CDX1: variants seen among roughly 807,000 people sequenced by gnomAD.
CDX1 encodes the protein homeobox protein CDX-1.
Under a neutral mutation model 16.9 loss-of-function variants are expected in CDX1, and 9 were observed. That is an observed-to-expected ratio of 0.53 (90% CI 0.32 to 0.93). The LOEUF is 0.93. CDX1 is among the 40% of genes least tolerant of loss of function. The probability of loss-of-function intolerance (pLI) is 0.04; values close to 1 mark genes in which losing one functional copy is unlikely to be tolerated. For synonymous variants in CDX1, 179 were observed against 179.0 expected, an observed-to-expected ratio of 1.00 and a Z score of 0.00; for missense variants, 393 against 386.1, an observed-to-expected ratio of 1.02 and a Z score of -0.15.
Position 150,167,032 on chromosome 5 carries a change from G to A in CDX1, c.156G>A (p.Glu52=), listed in dbSNP as rs1338972191. 2.8e-6 allele frequency: 4 copies of A among 1,427,372 alleles called. No homozygotes were observed. Among genetic ancestry groups the A allele is most frequent in the African/African-American group, 1.5e-5 (1 of 65,726 alleles). The allele number at this position is 1,427,372 out of a possible 1,614,324, so 88.4% of individuals were successfully genotyped here. ...ACTTCTCCAGCTACTCTCACGTGGA[G>A]CCGGCCCCCGCGCCCCCGACGGCCT... is the stretch of plus-strand genomic sequence containing the variant. ...YPDFSSYSHV[E]PAPAPPTAWG... The change falls in exon 1 of 3, where the codon GAG becomes GAA. Residue 52 remains glutamate (E), a synonymous_variant. Coordinates refer to ENST00000231656, the MANE Select transcript of CDX1 (RefSeq NM_001804.3).
At chr5:150,179,428 C>T (rs1016953149) in intron 1 of CDX1, among the ~76,000 whole-genome samples, 2 of 152,204 alleles carry the variant, frequency 1.3e-5, no homozygotes, top group Non-Finnish European at 2.9e-5. Context: ...GGTCTCACTC[C>T]TGACCCCCTC....
In CDX1 at chr5:150,167,294, G is replaced by T. The variant is rs1327229028; in HGVS notation, c.418G>T (p.Val140Leu). The change falls in exon 1 of 3, where the codon GTG becomes TTG. Residue 140 changes from valine to leucine, a missense_variant. By Grantham distance (32) the Val-to-Leu change is conservative. Coordinates refer to ENST00000231656, the MANE Select transcript of CDX1 (RefSeq NM_001804.3). ...PTPYEWMRRSVAAGGGGGSGK... is the reference protein window; with the variant it reads ...PTPYEWMRRSLAAGGGGGSGK... ...GCCCTACGAGTGGATGCGGCGCAGC[G>T]TGGCGGCCGGAGGCGGCGGTGGCAG... is the stretch of plus-strand genomic sequence containing the variant. 3 of 1,263,498 alleles carry T rather than the reference G, an allele frequency of 2.4e-6. No homozygotes were observed. Among genetic ancestry groups the T allele is most frequent in the East Asian group, 6.2e-5 (2 of 32,074 alleles). The allele number at this position is 1,263,498 out of a possible 1,614,324, so 78.3% of individuals were successfully genotyped here. A position where few individuals can be genotyped will look rare whatever the true frequency, so the allele number is the denominator to read the frequency against.
At chr5:150,179,376 G>C (rs565204974) in intron 1 of CDX1, among the ~76,000 whole-genome samples, 1 of 152,326 alleles carries the variant, frequency 6.6e-6, no homozygotes, top group South Asian at 2.1e-4. Context: ...GCCTTGCCAG[G>C]AGAGAGAGGA....
intron 1 of CDX1, among the ~76,000 whole-genome samples, chr5:150,174,516 G>A (rs182637236): frequency 8.5e-5 from 13 of 152,336 alleles, no homozygotes; most frequent in Admixed American, 3.9e-4. Flanking sequence ...ATCTAGCAGC[G>A]TTTGTCCAGT....
intron 1 of CDX1, among the ~76,000 whole-genome samples, chr5:150,179,083 G>A (rs1285340264): frequency 6.6e-6 from 1 of 152,070 alleles, no homozygotes; most frequent in African/African-American, 2.4e-5. Context: ...TCGGTCAAAG[G>A]GTATGTGCCT....
rs6858935 is a variant in CDX1 at position 150,175,409 on chromosome 5, G to T, written c.446-7359G>T. 3.0e-3 allele frequency among the ~76,000 whole-genome samples: 456 copies of T among 152,314 alleles called. 1 individual carries two copies. The highest frequency in any genetic ancestry group is 0.01 in the African/African-American group (421 of 41,570). ...AGATAGGGCAGCAGATGATGCAAAGGTGGCCCTGGAGGAGGAGGGTGCAGA... is the reference window on the plus strand; with the variant it reads ...AGATAGGGCAGCAGATGATGCAAAGTTGGCCCTGGAGGAGGAGGGTGCAGA... On this transcript the variant is annotated intron_variant, in intron 1 of 2. Coordinates refer to ENST00000231656, the MANE Select transcript of CDX1 (RefSeq NM_001804.3).
At position 150,167,063 on chromosome 5, in the gene CDX1, G is replaced by T; in HGVS notation, c.187G>T (p.Ala63Ser). 1.4e-6 allele frequency: 2 copies of T among 1,423,760 alleles called. No individual in the cohort carries two copies. Among genetic ancestry groups the T allele is most frequent in the Non-Finnish European group, 9.1e-7 (1 of 1,094,554 alleles). The allele number at this position is 1,423,760 out of a possible 1,614,324, so 88.2% of individuals were successfully genotyped here. Residue 63 changes from alanine to serine, a missense_variant, in exon 1 of 3, where the codon GCG (alanine) becomes TCG (serine). By Grantham distance (99) the Ala-to-Ser change is moderately conservative. Coordinates refer to ENST00000231656, the MANE Select transcript of CDX1 (RefSeq NM_001804.3). ...CCCCGCGCCCCCGACGGCCTGGGGG[G>T]CGCCCTTCCCTGCGCCCAAGGACGA... ...PAPAPPTAWG[A>S]PFPAPKDDWA...
chr5:150,174,876 A>G (rs1278121030), intron 1 of CDX1, among the ~76,000 whole-genome samples: 2 of 151,580 alleles, frequency 1.3e-5, no homozygotes, highest in Non-Finnish European at 1.5e-5. Context: ...TCCTGGATTC[A>G]AGCGATTCTC....
chr5:150,177,380 C>G (rs1283957193), intron 1 of CDX1, among the ~76,000 whole-genome samples: 2 of 152,240 alleles, frequency 1.3e-5, no homozygotes, highest in Non-Finnish European at 2.9e-5. Context: ...AGATGGTCAT[C>G]CCACAACTGT....
Position 150,183,628 on chromosome 5 carries a change from G to A in CDX1, c.746G>A (p.Ser249Asn), listed in dbSNP as rs769192751. The change falls in exon 3 of 3, where the codon AGC (serine) becomes AAC (asparagine). Residue 249 changes from serine to asparagine, a missense_variant. Coordinates refer to ENST00000231656, the MANE Select transcript of CDX1 (RefSeq NM_001804.3). The part of the protein sequence containing the change: ...SLGGLCPSNT[S>N]LLATSSPMPV... ...GGGGGCCTGTGTCCCAGCAACACCA[G>A]CCTCCTGGCCACCTCCTCTCCAATG... The A allele has an allele frequency of 3.7e-6, 6 of 1,607,762 alleles. No homozygotes were observed. The East Asian group carries it at 1.1e-4, about 30-fold the overall frequency.
intron 1 of CDX1, among the ~76,000 whole-genome samples, chr5:150,168,380 G>A (rs1031683073): frequency 1.3e-5 from 2 of 152,216 alleles, no homozygotes; most frequent in South Asian, 2.1e-4. Context: ...CAGGAGCTAC[G>A]GGTTCTGGCC....
At chr5:150,180,217 G>A (rs1294004772) in intron 1 of CDX1, among the ~76,000 whole-genome samples, 1 of 152,238 alleles carries the variant, frequency 6.6e-6, no homozygotes, top group African/African-American at 2.4e-5. Context: ...TTTTGAGCCG[G>A]CGTTGCATTT....
chr5:150,166,992 C>T lies in CDX1; in HGVS notation c.116C>T (p.Pro39Leu). Residue 39 changes from proline to leucine, a missense_variant, in exon 1 of 3, where the codon CCC becomes CTC. By Grantham distance (98) the Pro-to-Leu change is moderately conservative (BLOSUM62 -3). Coordinates refer to ENST00000231656, the MANE Select transcript of CDX1 (RefSeq NM_001804.3). ...GGCCCCCCGGCCCCGCCCCCGGCGC[C>T]CCCGCAGTACCCCGACTTCTCCAGC... ...AYGPPAPPPA[P>L]PQYPDFSSYS... 16 of 1,443,618 alleles carry T rather than the reference C, an allele frequency of 1.1e-5. No individual in the cohort carries two copies. The highest frequency in any genetic ancestry group is 1.4e-5 in the Non-Finnish European group (16 of 1,103,620). 89.4% of individuals were successfully genotyped at this position (1,443,618 alleles called of 1,614,324 possible). A position where few individuals can be genotyped will look rare whatever the true frequency, so the allele number is the denominator to read the frequency against.
At chr5:150,167,419 GT>G in intron 1 of CDX1, 98 bp downstream of exon 1, 1 of 835,204 alleles carries the variant, frequency 1.2e-6, no homozygotes, top group Non-Finnish European at 1.6e-6. Context: ...CCCTGCTCGG[GT>G]TCCCGGGAGT....
At chr5:150,175,465 G>T (rs1363106441) in intron 1 of CDX1, among the ~76,000 whole-genome samples, 1 of 152,232 alleles carries the variant, frequency 6.6e-6, no homozygotes, top group African/African-American at 2.4e-5. Context: ...AGGAAGGAGG[G>T]TGACAGTGGG....
intron 1 of CDX1, among the ~76,000 whole-genome samples, chr5:150,171,249 A>G (rs778999020): frequency 1.3e-5 from 2 of 152,190 alleles, no homozygotes; most frequent in Non-Finnish European, 2.9e-5. Context: ...AACCATTGCC[A>G]TATTTACCTT....
intron 1 of CDX1, 81 bp from the exon 2 acceptor site, chr5:150,182,687 C>T (rs1752475058): frequency 7.1e-7 from 1 of 1,399,184 alleles, no homozygotes; most frequent in South Asian, 1.5e-5. Context: ...GATTGTCTTC[C>T]TCCTGGGGGT....
chr5:150,178,164 C>T (rs1350185820), intron 1 of CDX1, among the ~76,000 whole-genome samples: 1 of 152,206 alleles, frequency 6.6e-6, no homozygotes. Flanking sequence ...GCACTGGGAG[C>T]CATTGGCCTG....
In CDX1 at chr5:150,167,206, C is replaced by T; in HGVS notation, c.330C>T (p.Gly110=). 7.9e-7 allele frequency: 1 copy of T among 1,264,920 alleles called. No homozygotes were observed. Among genetic ancestry groups the T allele is most frequent in the Non-Finnish European group, 9.9e-7 (1 of 1,010,084 alleles). 78.4% of individuals were successfully genotyped at this position (1,264,920 alleles called of 1,614,324 possible). A position where few individuals can be genotyped will look rare whatever the true frequency, so the allele number is the denominator to read the frequency against. Residue 110 remains glycine, a synonymous_variant, in exon 1 of 3, where the codon GGC becomes GGT. Coordinates refer to ENST00000231656, the MANE Select transcript of CDX1 (RefSeq NM_001804.3). ...CGGCGCCCCCTGGGCCCGGCCCGGG[C>T]CTCCTGGCGCAGCCCCTCGGGGGCC... ...PVPAPPGPGP[G]LLAQPLGGPG... is the part of the protein sequence containing the mutation.
Sources: allele counts gnomAD v4.1 joint callset (sites outside exome capture counted in the v4.1 genomes callset), GRCh38; gene constraint gnomAD v4.1.1; transcripts MANE v1.5; gene names NCBI Gene and HGNC (gene_info 2026-07-23, HGNC 2026-07-21).